TRPC7: variants seen among roughly 807,000 people sequenced by gnomAD.
TRPC7 encodes the protein transient receptor potential cation channel subfamily C member 7.
TRPC7 carries 42 observed loss-of-function variants against 90.1 expected under a neutral mutation model. The ratio of observed to expected loss-of-function variants is 0.47; its 90% CI spans 0.36 to 0.60. TRPC7 has a LOEUF of 0.60. Ranked by LOEUF, TRPC7 falls within the 20% of genes least tolerant of loss-of-function variation. TRPC7 has a pLI of 0.00. For synonymous variants in TRPC7, 451 were observed against 436.3 expected, an observed-to-expected ratio of 1.03 and a Z score of -0.42; for missense variants, 955 against 1,112.3, an observed-to-expected ratio of 0.86 and a Z score of 2.01.
intron 5 of TRPC7, among the ~76,000 whole-genome samples, chr5:136,262,014 T>C (rs1756872472): frequency 6.6e-6 from 1 of 152,180 alleles, no homozygotes; most frequent in South Asian, 2.1e-4. Context: ...TCTTGACTGC[T>C]CTCTTTCTCT....
intron 2 of TRPC7, among the ~76,000 whole-genome samples, chr5:136,352,177 A>G (rs1317710912): frequency 6.6e-6 from 1 of 152,180 alleles, no homozygotes; most frequent in Non-Finnish European, 1.5e-5. Context: ...TAAGCAAAAG[A>G]TGAGAAAGCA....
At chr5:136,293,705 GCCATACTGC>G (rs879714908) in intron 3 of TRPC7, among the ~76,000 whole-genome samples, 78 of 152,244 alleles carry the variant, frequency 5.1e-4, no homozygotes, top group Middle Eastern at 3.4e-3. Context: ...TGTGAAAATG[GCCATACTGC>G]CCAAGGTAAT....
chr5:136,250,562 A>G (rs1277529735), intron 6 of TRPC7, among the ~76,000 whole-genome samples: 1 of 152,246 alleles, frequency 6.6e-6, no homozygotes, highest in Non-Finnish European at 1.5e-5. Context: ...GTGTTTGAAC[A>G]AGAAAATGAC....
At position 136,251,879 on chromosome 5, in the gene TRPC7, A is replaced by C. The variant is rs770100044; in HGVS notation, c.1349T>G (p.Met450Arg). ...EMLIMKWVLGMIWSECKEIWE... is the reference protein window; with the variant it reads ...EMLIMKWVLGRIWSECKEIWE... ...GATTTCCTTGCATTCGGACCAAATC[A>C]TTCCTGTGGGAGAAGGAGAAGGCCA... The change falls in exon 6 of 12, where the codon ATG (methionine) becomes AGG (arginine). Residue 450 changes from methionine (M) to arginine (R), a missense_variant. Around this residue, in one of 4 missense-constraint regions of TRPC7, gnomAD observed 484 missense variants for 509.6 expected, o/e 0.95. Coordinates refer to ENST00000513104, the MANE Select transcript of TRPC7 (RefSeq NM_020389.3). 24 of 1,613,068 alleles carry C rather than the reference A, an allele frequency of 1.5e-5. No homozygotes were observed. Among genetic ancestry groups the C allele is most frequent in the Non-Finnish European group, 1.9e-5 (22 of 1,179,126 alleles).
chr5:136,246,870 C>T (rs1393344267), intron 7 of TRPC7, among the ~76,000 whole-genome samples: 1 of 152,112 alleles, frequency 6.6e-6, no homozygotes, highest in South Asian at 2.1e-4. Flanking sequence ...GAAGAAGGTA[C>T]TATTATTATC....
intron 3 of TRPC7, among the ~76,000 whole-genome samples, chr5:136,284,637 G>C (rs1757652331): frequency 6.6e-6 from 1 of 152,204 alleles, no homozygotes; most frequent in Non-Finnish European, 1.5e-5. Flanking sequence ...GGCAAGTTCA[G>C]TGTAGCTCCG....
At chr5:136,309,363 T>C (rs1374932086) in intron 3 of TRPC7, among the ~76,000 whole-genome samples, 1 of 152,200 alleles carries the variant, frequency 6.6e-6, no homozygotes, top group East Asian at 1.9e-4. Flanking sequence ...ACTGCTCAGC[T>C]CCCTCTCCCA....
chr5:136,341,504 T>A (rs1020644823), intron 2 of TRPC7, among the ~76,000 whole-genome samples: 1 of 151,828 alleles, frequency 6.6e-6, no homozygotes, highest in Non-Finnish European at 1.5e-5. Context: ...TATGTATAAA[T>A]AAAAGATTTA....
intron 3 of TRPC7, among the ~76,000 whole-genome samples, chr5:136,280,236 A>G (rs763458433): frequency 6.6e-6 from 1 of 152,174 alleles, no homozygotes; most frequent in Non-Finnish European, 1.5e-5. Flanking sequence ...TCAGCCCCCA[A>G]AGACATCTTG....
At chr5:136,220,644 AT>A (rs1755423940) in intron 10 of TRPC7, among the ~76,000 whole-genome samples, 1 of 152,056 alleles carries the variant, frequency 6.6e-6, no homozygotes, top group African/African-American at 2.4e-5. Flanking sequence ...GGAGTTTTTG[AT>A]TTTGCCCTTT....
chr5:136,230,740 CCCT>C (rs1561680212), intron 8 of TRPC7, among the ~76,000 whole-genome samples: 4 of 152,102 alleles, frequency 2.6e-5, no homozygotes, highest in African/African-American at 7.2e-5. Context: ...TTCTCTCAAC[CCCT>C]TTATCTGTCA....
chr5:136,306,496 A>C (rs989634464), intron 3 of TRPC7, among the ~76,000 whole-genome samples: 3 of 151,984 alleles, frequency 2.0e-5, no homozygotes, highest in Non-Finnish European at 1.5e-5. Flanking sequence ...ACCACCCCCC[A>C]AAAATTTTTG....
At chr5:136,342,521 C>G (rs1561726558) in intron 2 of TRPC7, among the ~76,000 whole-genome samples, 1 of 152,180 alleles carries the variant, frequency 6.6e-6, no homozygotes, top group Admixed American at 6.5e-5. Context: ...ATCTGTCTCT[C>G]CCTAGTCAGG....
intron 2 of TRPC7, among the ~76,000 whole-genome samples, chr5:136,346,595 T>C (rs1234078875): frequency 6.6e-6 from 1 of 152,120 alleles, no homozygotes; most frequent in African/African-American, 2.4e-5. Flanking sequence ...ATTTATGAAG[T>C]TCCCATATCA....
chr5:136,269,507 T>C (rs1314932301), intron 4 of TRPC7, among the ~76,000 whole-genome samples: 1 of 152,232 alleles, frequency 6.6e-6, no homozygotes, highest in Non-Finnish European at 1.5e-5. Context: ...TATAGCCCTG[T>C]GGCTGTGATT....
At chr5:136,349,691 C>G (rs1760129146) in intron 2 of TRPC7, among the ~76,000 whole-genome samples, 1 of 152,162 alleles carries the variant, frequency 6.6e-6, no homozygotes, top group Non-Finnish European at 1.5e-5. Context: ...AATTTCCTAG[C>G]AACTTGATGA....
chr5:136,309,147 C>T (rs981038194), intron 3 of TRPC7, among the ~76,000 whole-genome samples: 1 of 152,164 alleles, frequency 6.6e-6, no homozygotes, highest in African/African-American at 2.4e-5. Context: ...GGTAACTTTC[C>T]AAGTGCTGTG....
At chr5:136,313,373 GTCTGTCTATCTATCTATCTA>G (rs1269892410) in intron 3 of TRPC7, among the ~76,000 whole-genome samples, 28 of 92,990 alleles carry the variant, frequency 3.0e-4, no homozygotes, top group South Asian at 2.2e-3. Flanking sequence ...CTCAGGAGAT[GTCTGTCTATCTATCTATCTA>G]TCTATCTATC....
chr5:136,220,759 C>A (rs575440794), intron 10 of TRPC7, among the ~76,000 whole-genome samples: 29 of 152,246 alleles, frequency 1.9e-4, no homozygotes, highest in Non-Finnish European at 3.8e-4. Flanking sequence ...GACCTACTTC[C>A]TGTTCTTGCA....
Sources: gnomAD v4.1 joint callset for allele counts (sites outside exome capture counted in the v4.1 genomes callset) on GRCh38, gnomAD v4.1.1 for gene constraint, gnomAD v4.1.1 regional missense constraint, MANE v1.5 for transcripts, NCBI Gene and HGNC (gene_info 2026-07-23, HGNC 2026-07-21) for gene names.